The following PECAM1 variants were observed in gnomAD, a reference collection of about 807,000 sequenced individuals.
PECAM1 encodes platelet endothelial cell adhesion molecule.
In PECAM1, 8 loss-of-function variants were observed where a neutral mutation model predicts 13.8. The observed-to-expected ratio is 0.58, with a 90% CI of 0.34 to 1.05. The LOEUF (loss-of-function observed/expected upper bound fraction) is 1.05. Ranked by LOEUF, PECAM1 falls within the 50% of genes least tolerant of loss-of-function variation. PECAM1 has a pLI of 0.03. For missense variants in PECAM1, 304 were observed against 141.2 expected (o/e 2.15, Z -5.84); for synonymous variants, 136 against 52.6 (o/e 2.58, Z -6.86).
In PECAM1 at chr17:64,323,124, G is replaced by A; in HGVS notation, c.*692C>T. The A allele has an allele frequency of 1.0e-6, 1 of 985,520 alleles. No individual in the cohort carries two copies. Among genetic ancestry groups the A allele is most frequent in the Middle Eastern group, 5.2e-4 (1 of 1,914 alleles). The allele number at this position is 985,520 out of a possible 1,614,324, so 61.0% of individuals were successfully genotyped here. A position where few individuals can be genotyped will look rare whatever the true frequency, so the allele number is the denominator to read the frequency against. ...GTCTTTCAGCCTTCAGCATGGTAGA[G>A]GAAAAGAGAAAGAGTGTAGACAAAA... On this transcript the variant is annotated 3_prime_UTR_variant, in exon 16 of 16. Coordinates refer to ENST00000563924, the MANE Select transcript of PECAM1 (RefSeq NM_000442.5).
intron 2 of PECAM1, among the ~76,000 whole-genome samples, chr17:64,386,163 G>A (rs957625240): frequency 2.0e-4 from 30 of 152,250 alleles, no homozygotes; most frequent in Non-Finnish European, 3.8e-4. Context: ...CCAGCACTTC[G>A]GGAGGCCAAG....
At chr17:64,367,913 T>C (rs2036148218) in intron 5 of PECAM1, among the ~76,000 whole-genome samples, 1 of 152,168 alleles carries the variant, frequency 6.6e-6, no homozygotes, top group Non-Finnish European at 1.5e-5. Context: ...TAGCACACAC[T>C]ATAGACCAGC....
chr17:64,362,518 T>C (rs1424076165), intron 6 of PECAM1, among the ~76,000 whole-genome samples: 1 of 152,022 alleles, frequency 6.6e-6, no homozygotes, highest in African/African-American at 2.4e-5. Context: ...CGGGCGTGGT[T>C]GCGGGTGCCT....
intron 13 of PECAM1, among the ~76,000 whole-genome samples, chr17:64,345,711 T>C (rs1281515588): frequency 3.7e-5 from 3 of 81,650 alleles, no homozygotes; most frequent in Non-Finnish European, 8.7e-5. Context: ...AAGACTGTCA[T>C]AAAAAAAAAA....
At chr17:64,332,619 C>T (rs1316136482) in intron 14 of PECAM1, among the ~76,000 whole-genome samples, 1 of 152,214 alleles carries the variant, frequency 6.6e-6, no homozygotes, top group African/African-American at 2.4e-5. Flanking sequence ...GCCCTCTGGC[C>T]TCACTGGCTC....
At position 64,362,639 on chromosome 17, in the gene PECAM1, G is replaced by A. The variant is rs974600940; in HGVS notation, c.1216+510C>T. ...TGCACTCCAGCCTGGGTGACAGAGC[G>A]AGACTGCATCTCAAAAAAATAAATA... On this transcript the variant is annotated intron_variant, in intron 6 of 15. Transcript: ENST00000563924. 1.9e-3 allele frequency among the ~76,000 whole-genome samples: 287 copies of A among 151,330 alleles called. 1 individual carries two copies. Among genetic ancestry groups the A allele is most frequent in the African/African-American group, 6.4e-3 (262 of 41,074 alleles).
At chr17:64,339,496 C>T (rs978033444) in intron 14 of PECAM1, among the ~76,000 whole-genome samples, 7 of 151,792 alleles carry the variant, frequency 4.6e-5, no homozygotes, top group African/African-American at 4.8e-5. Context: ...TCCAAGAAAG[C>T]GAACACTCTC....
Position 64,321,827 on chromosome 17 carries a change from G to T in PECAM1, c.*1989C>A, listed in dbSNP as rs2034816712. ...AGTAAGGCACCAGGAGTAGGAATAG[G>T]GTCTTTGCAGCTCCCGTGGCAATTG... On this transcript the variant is annotated 3_prime_UTR_variant, in exon 16 of 16. Transcript: ENST00000563924. 7.4e-7 allele frequency: 1 copy of T among 1,348,128 alleles called. No individual in the cohort carries two copies. The highest frequency in any genetic ancestry group is 1.5e-5 in the African/African-American group (1 of 67,640). The allele number at this position is 1,348,128 out of a possible 1,614,324, so 83.5% of individuals were successfully genotyped here.
intron 14 of PECAM1, among the ~76,000 whole-genome samples, chr17:64,331,863 G>T (rs1159018838): frequency 1.3e-5 from 2 of 152,220 alleles, no homozygotes; most frequent in East Asian, 3.9e-4. Flanking sequence ...CATTGGGGAT[G>T]GTTGCTGTTC....
chr17:64,352,432 C>A lies in PECAM1; in HGVS notation c.1948G>T (p.Glu650Ter). 2.1e-6 allele frequency: 1 copy of A among 475,026 alleles called. No individual in the cohort carries two copies. Among genetic ancestry groups the A allele is most frequent in the South Asian group, 6.7e-5 (1 of 14,830 alleles). The allele number at this position is 475,026 out of a possible 1,614,324, so 29.4% of individuals were successfully genotyped here. Residue 650 changes from glutamate to a stop codon, truncating the protein, a stop_gained, in exon 11 of 16, where the codon GAG becomes TAG. Transcript: ENST00000563924. LOFTEE classifies it high-confidence loss of function. Reference protein sequence around the residue: ...PAVPLLNSNNEKMSDPNMEAN... With the variant: ...PAVPLLNSNN The stretch of plus-strand genomic sequence containing the variant: ...TCCATATTGGGATCTGACATTTTCT[C>A]GTTGTTGGAGTTCAGAAGTGGTACT...
intron 15 of PECAM1, among the ~76,000 whole-genome samples, chr17:64,326,437 G>C (rs2034961231): frequency 6.6e-6 from 1 of 152,222 alleles, no homozygotes; most frequent in Admixed American, 6.5e-5. Context: ...GAAAGCCAAG[G>C]CTCTGGCCCC....
intron 4 of PECAM1, among the ~76,000 whole-genome samples, chr17:64,372,184 G>A (rs2036257280): frequency 6.6e-6 from 1 of 152,108 alleles, no homozygotes; most frequent in African/African-American, 2.4e-5. Context: ...CGAGATGGGA[G>A]GATCACTTGA....
intron 13 of PECAM1, among the ~76,000 whole-genome samples, chr17:64,346,040 G>A (rs1252298765): frequency 1.3e-5 from 2 of 152,190 alleles, no homozygotes; most frequent in Non-Finnish European, 2.9e-5. Flanking sequence ...TTGCCATGTG[G>A]TCTGGCTAGT....
intron 6 of PECAM1, among the ~76,000 whole-genome samples, chr17:64,361,890 A>C (rs929126760): frequency 6.6e-6 from 1 of 152,140 alleles, no homozygotes; most frequent in Admixed American, 6.6e-5. Context: ...TCCTCCCAAG[A>C]ACAAAAAATA....
At chr17:64,353,988 G>A (rs2035792993) in intron 9 of PECAM1, among the ~76,000 whole-genome samples, 2 of 150,244 alleles carry the variant, frequency 1.3e-5, no homozygotes, top group African/African-American at 2.5e-5. Flanking sequence ...TGCCCAGGCT[G>A]GAGTGCAGTG....
chr17:64,390,222 C>T (rs2036686612), intron 2 of PECAM1: 1 of 383,886 alleles, frequency 2.6e-6, no homozygotes. Flanking sequence ...CTGTAACTGA[C>T]TAAACAATTC....
chr17:64,332,920 A>T (rs1279396659), intron 14 of PECAM1, among the ~76,000 whole-genome samples: 1 of 152,200 alleles, frequency 6.6e-6, no homozygotes, highest in African/African-American at 2.4e-5. Flanking sequence ...TGGGAGACCA[A>T]GGCCGGTGGA....
intron 5 of PECAM1, among the ~76,000 whole-genome samples, chr17:64,364,100 G>A (rs2036047823): frequency 3.3e-5 from 5 of 152,098 alleles, no homozygotes. Context: ...GAAAAAAAGA[G>A]AGAAGAATCA....
chr17:64,322,150 A>T lies in PECAM1; in HGVS notation c.*1666T>A. 1.1e-6 allele frequency: 1 copy of T among 916,096 alleles called. No homozygotes were observed. Among genetic ancestry groups the T allele is most frequent in the Non-Finnish European group, 1.3e-6 (1 of 752,146 alleles). 56.7% of individuals were successfully genotyped at this position (916,096 alleles called of 1,614,324 possible). A position where few individuals can be genotyped will look rare whatever the true frequency, so the allele number is the denominator to read the frequency against. On this transcript the variant is annotated 3_prime_UTR_variant, in exon 16 of 16. Coordinates refer to ENST00000563924, the MANE Select transcript of PECAM1 (RefSeq NM_000442.5). ...AAAGGCCTGTGGAGCACACATGAGGACAAGGCGGGCAGATCACCAAAGGTC... is the reference window on the plus strand; with the variant it reads ...AAAGGCCTGTGGAGCACACATGAGGTCAAGGCGGGCAGATCACCAAAGGTC...
Sources: gnomAD v4.1 joint callset for allele counts (sites outside exome capture counted in the v4.1 genomes callset) on GRCh38, gnomAD v4.1.1 for gene constraint, MANE v1.5 for transcripts, NCBI Gene and HGNC (gene_info 2026-07-23, HGNC 2026-07-21) for gene names.